The following ATCAY variants were observed in gnomAD, a reference collection of about 807,000 sequenced individuals.
ATCAY encodes the protein caytaxin.
A neutral mutation model predicts 47.7 loss-of-function variants in ATCAY; 22 were observed. The ratio of observed to expected loss-of-function variants is 0.46; its 90% CI spans 0.33 to 0.66. The LOEUF is 0.66. Ranked by LOEUF, ATCAY falls within the 30% of genes least tolerant of loss-of-function variation. ATCAY has a pLI of 0.02. For missense variants in ATCAY, 452 were observed against 515.0 expected (o/e 0.88, Z 1.18); for synonymous variants, 216 against 207.6 (o/e 1.04, Z -0.35).
rs1248292274 is a variant in ATCAY, at chr19:3,907,993, C to G, written c.544+74C>G. ...GGGCAACAGGGGGTTCGTCAGTGCCCCTCTCTGATGCACGGGGATGTTAAG... is the reference window on the plus strand; with the variant it reads ...GGGCAACAGGGGGTTCGTCAGTGCCGCTCTCTGATGCACGGGGATGTTAAG... On this transcript the variant is annotated intron_variant, in intron 5 of 12. Coordinates refer to ENST00000450849, the MANE Select transcript of ATCAY (RefSeq NM_033064.5). The surrounding 1 kb of genome is among the most constrained non-coding windows in gnomAD (Gnocchi z 5.1). 1 of 1,511,920 alleles carries G rather than the reference C, an allele frequency of 6.6e-7. No homozygotes were observed. The highest frequency in any genetic ancestry group is 9.0e-7 in the Non-Finnish European group (1 of 1,107,000). The allele number at this position is 1,511,920 out of a possible 1,614,324, so 93.7% of individuals were successfully genotyped here. A position where few individuals can be genotyped will look rare whatever the true frequency, so the allele number is the denominator to read the frequency against.
chr19:3,921,037 A>G (rs1024623846), intron 12 of ATCAY, among the ~76,000 whole-genome samples: 1 of 152,022 alleles, frequency 6.6e-6, no homozygotes, highest in Non-Finnish European at 1.5e-5. Context: ...GCACAACTCC[A>G]GGGGGGCACC....
Position 3,916,078 on chromosome 19 carries a change from C to A in ATCAY, c.966-1664C>A, listed in dbSNP as rs374152417. Reference sequence around the variant, plus strand: ...TTCCACATCCCAACCCCTGGCAGCCCCCATCCTACTTTCTGTCTCTGGGAG... The same window carrying A: ...TTCCACATCCCAACCCCTGGCAGCCACCATCCTACTTTCTGTCTCTGGGAG... On this transcript the variant is annotated intron_variant, in intron 9 of 12. Transcript: ENST00000450849. Among the ~76,000 whole-genome samples the A allele has an allele frequency of 1.2e-4, 18 of 152,284 alleles. No homozygotes were observed. The South Asian group carries it at 2.3e-3, about 19-fold the overall frequency.
chr19:3,902,278 C>T (rs989967772), intron 2 of ATCAY, among the ~76,000 whole-genome samples: 3 of 151,656 alleles, frequency 2.0e-5, no homozygotes, highest in Admixed American at 6.6e-5. Flanking sequence ...GCCATGATCA[C>T]GCTACTGCAC....
chr19:3,884,509 C>T (rs185683288), intron 1 of ATCAY, among the ~76,000 whole-genome samples: 1 of 152,092 alleles, frequency 6.6e-6, no homozygotes, highest in African/African-American at 2.4e-5. Context: ...TTGGCATTCC[C>T]AGCACGGAAG....
intron 10 of ATCAY, 87 bp downstream of exon 10, chr19:3,917,864 TG>T: frequency 6.8e-7 from 1 of 1,468,402 alleles, no homozygotes. Flanking sequence ...CGGTGACTTC[TG>T]GGCAGCAGGG....
At chr19:3,901,610 G>A (rs907524690) in intron 2 of ATCAY, among the ~76,000 whole-genome samples, 26 of 152,084 alleles carry the variant, frequency 1.7e-4, no homozygotes, top group African/African-American at 4.6e-4. Context: ...TCCTCAAGCC[G>A]TGCAAAAATC....
At position 3,926,633 on chromosome 19, in the gene ATCAY, A is replaced by T. The variant is rs2039069175; in HGVS notation, c.*2041A>T. 1 of 152,166 alleles carries T rather than the reference A, an allele frequency of 6.6e-6. No individual in the cohort carries two copies. The highest frequency in any genetic ancestry group is 2.4e-5 in the African/African-American group (1 of 41,446). The allele number at this position is 152,166 out of a possible 1,614,324, so 9.4% of individuals were successfully genotyped here. ...TAGTGCTGAGGGGCAGTGATACAGA[A>T]AGATTTGCCCTGTGGGACAGGGTCC... On this transcript the variant is annotated 3_prime_UTR_variant, in exon 13 of 13. Coordinates refer to ENST00000450849, the MANE Select transcript of ATCAY (RefSeq NM_033064.5).
rs970232486 is a variant in ATCAY at position 3,922,010 on chromosome 19, G to A, written c.1106+1212G>A. Reference sequence around the variant, plus strand: ...GTGTCCTCTCCCAGTGGGGTTGTGTGGACAGCCTTTATTTCTCCCAGCAGG... The same window carrying A: ...GTGTCCTCTCCCAGTGGGGTTGTGTAGACAGCCTTTATTTCTCCCAGCAGG... On this transcript the variant is annotated intron_variant, in intron 12 of 12. Coordinates refer to ENST00000450849, the MANE Select transcript of ATCAY (RefSeq NM_033064.5). 1.8e-5 allele frequency: 11 copies of A among 624,250 alleles called. No individual in the cohort carries two copies. The East Asian group carries it at 2.5e-4, about 14-fold the overall frequency. The allele number at this position is 624,250 out of a possible 1,614,324, so 38.7% of individuals were successfully genotyped here. A position where few individuals can be genotyped will look rare whatever the true frequency, so the allele number is the denominator to read the frequency against.
intron 4 of ATCAY, among the ~76,000 whole-genome samples, chr19:3,906,427 C>T (rs924937729): frequency 4.6e-5 from 7 of 151,412 alleles, no homozygotes; most frequent in African/African-American, 1.2e-4. Context: ...CTCAGCCTCC[C>T]GAGTAGCTGG....
intron 6 of ATCAY, among the ~76,000 whole-genome samples, chr19:3,909,209 C>A (rs1376328960): frequency 7.1e-6 from 1 of 140,432 alleles, no homozygotes; most frequent in African/African-American, 2.6e-5. Flanking sequence ...TGCACTCTAG[C>A]CTGGGCAACA....
chr19:3,887,926 G>A (rs970659258), intron 2 of ATCAY, among the ~76,000 whole-genome samples: 4 of 151,390 alleles, frequency 2.6e-5, no homozygotes, highest in African/African-American at 9.7e-5. Context: ...GGCCGACATA[G>A]TGAAACCCTG....
At position 3,907,136 on chromosome 19, in the gene ATCAY, A is replaced by C. The variant is rs1568448925; in HGVS notation, c.359-598A>C. Among the ~76,000 whole-genome samples the C allele has an allele frequency of 6.7e-6, 1 of 148,824 alleles. No individual in the cohort carries two copies. The highest frequency in any genetic ancestry group is 2.2e-4 in the South Asian group (1 of 4,592). ...GCGATGGAACAAGACTCTCTCAAAA[A>C]AAAAAAAGAAAGAAAAAAAAAAATT... On this transcript the variant is annotated intron_variant, in intron 4 of 12. Coordinates refer to ENST00000450849, the MANE Select transcript of ATCAY (RefSeq NM_033064.5). This position sits in a 1 kb window ranked among gnomAD's most constrained non-coding sequence, Gnocchi z 5.1.
Position 3,925,203 on chromosome 19 carries a change from C to T in ATCAY, c.*611C>T, listed in dbSNP as rs1238455341. 1 of 152,810 alleles carries T rather than the reference C, an allele frequency of 6.5e-6. No individual in the cohort carries two copies. The highest frequency in any genetic ancestry group is 1.9e-4 in the East Asian group (1 of 5,192). 9.5% of individuals were successfully genotyped at this position (152,810 alleles called of 1,614,324 possible). The stretch of plus-strand genomic sequence containing the variant: ...TTCTCGCTCATAATGACACCCAGCT[C>T]CTTTGAGAGGATCAGAGCCCATTGC... On this transcript the variant is annotated 3_prime_UTR_variant, in exon 13 of 13. Coordinates refer to ENST00000450849, the MANE Select transcript of ATCAY (RefSeq NM_033064.5). The surrounding 1 kb of genome is among the most constrained non-coding windows in gnomAD (Gnocchi z 4.4).
intron 2 of ATCAY, among the ~76,000 whole-genome samples, chr19:3,897,314 T>G (rs1280499865): frequency 1.3e-5 from 2 of 151,396 alleles, no homozygotes; most frequent in African/African-American, 4.9e-5. Context: ...TATATCTATA[T>G]CTATCTATAT....
rs369054675 is a variant in ATCAY, at chr19:3,898,831, G to A, written c.78-3656G>A. On this transcript the variant is annotated intron_variant, in intron 2 of 12. Coordinates refer to ENST00000450849, the MANE Select transcript of ATCAY (RefSeq NM_033064.5). ...CAAGTAGCTAGGATTATAGGCATGC[G>A]CCACCATGTCCAGCTAATTTTTGTA... is the stretch of plus-strand genomic sequence containing the variant. 1.4e-3 allele frequency among the ~76,000 whole-genome samples: 213 copies of A among 152,114 alleles called. 1 individual carries two copies. Among genetic ancestry groups the A allele is most frequent in the African/African-American group, 4.6e-3 (191 of 41,506 alleles).
At chr19:3,905,303 T>C in intron 3 of ATCAY, 131 bp from the exon 4 acceptor site, 1 of 864,854 alleles carries the variant, frequency 1.2e-6, no homozygotes, top group South Asian at 1.8e-5. Context: ...GCCAATGGCA[T>C]GGATACAGAA....
chr19:3,898,383 C>A (rs966119900), intron 2 of ATCAY, among the ~76,000 whole-genome samples: 1 of 152,122 alleles, frequency 6.6e-6, no homozygotes, highest in Non-Finnish European at 1.5e-5. Context: ...CGGGCTTTCG[C>A]CATGTTGCCC....
At chr19:3,918,256 G>T (rs12981252) in intron 10 of ATCAY, among the ~76,000 whole-genome samples, 3 of 151,882 alleles carry the variant, frequency 2.0e-5, no homozygotes, top group Non-Finnish European at 4.4e-5. Flanking sequence ...GTGGTGGTGC[G>T]TGCCTGTAAT....
chr19:3,885,280 G>A (rs2038639670), intron 1 of ATCAY, among the ~76,000 whole-genome samples: 1 of 151,308 alleles, frequency 6.6e-6, no homozygotes, highest in South Asian at 2.1e-4. Context: ...TTAGCCGGGT[G>A]TGATGGCTCA....
Sources: allele counts gnomAD v4.1 joint callset (sites outside exome capture counted in the v4.1 genomes callset), GRCh38; gene constraint gnomAD v4.1.1; non-coding constraint Gnocchi (gnomAD v3.1); transcripts MANE v1.5; gene names NCBI Gene and HGNC (gene_info 2026-07-23, HGNC 2026-07-21).